Variants in UBE2E3 observed in about 807,000 individuals in gnomAD.
UBE2E3 encodes the protein ubiquitin conjugating enzyme E2 E3, also known as ubiquitin-conjugating enzyme E2 E3.
Under a neutral mutation model 23.6 loss-of-function variants are expected in UBE2E3, and 5 were observed. The ratio of observed to expected loss-of-function variants is 0.21; its 90% CI spans 0.11 to 0.44. UBE2E3 has a LOEUF of 0.44. Among genes scored for constraint, UBE2E3 ranks in the 20% least tolerant of loss-of-function variants. UBE2E3 has a pLI of 0.99. For synonymous variants in UBE2E3, 78 were observed against 87.5 expected (o/e 0.89, Z 0.60); for missense variants, 81 against 249.8 (o/e 0.32, Z 4.55).
intron 3 of UBE2E3, among the ~76,000 whole-genome samples, chr2:181,013,011 A>T (rs1327099420): frequency 6.6e-6 from 1 of 152,058 alleles, no homozygotes; most frequent in Non-Finnish European, 1.5e-5. Context: ...TTTATTTTTT[A>T]CATGGGAGTC....
intron 3 of UBE2E3, among the ~76,000 whole-genome samples, chr2:181,029,230 T>G (rs891126265): frequency 2.6e-5 from 4 of 152,134 alleles, no homozygotes; most frequent in African/African-American, 7.2e-5. Context: ...ATAATTCTAA[T>G]GAGTCTTGAT....
chr2:181,017,708 G>A (rs1031834623), intron 3 of UBE2E3, among the ~76,000 whole-genome samples: 1 of 148,736 alleles, frequency 6.7e-6, no homozygotes, highest in Non-Finnish European at 1.5e-5. Context: ...AGCATAAAAG[G>A]TTTTTTTGTT....
intron 3 of UBE2E3, among the ~76,000 whole-genome samples, chr2:180,996,739 A>G (rs1317445210): frequency 5.3e-5 from 8 of 152,344 alleles, no homozygotes; most frequent in African/African-American, 1.9e-4. Flanking sequence ...ATGCTGTAAG[A>G]AACCAATTTT....
intron 3 of UBE2E3, among the ~76,000 whole-genome samples, chr2:181,042,690 C>G (rs1163365772): frequency 6.6e-6 from 1 of 152,096 alleles, no homozygotes; most frequent in Non-Finnish European, 1.5e-5. Context: ...GACTAGGGAC[C>G]CATACTAAAT....
intron 3 of UBE2E3, among the ~76,000 whole-genome samples, chr2:181,006,618 C>T (rs1044247838): frequency 1.3e-5 from 2 of 151,990 alleles, no homozygotes; most frequent in African/African-American, 4.8e-5. Context: ...TGAGTAGTTT[C>T]TGTTTTTCTG....
intron 3 of UBE2E3, among the ~76,000 whole-genome samples, chr2:181,031,403 C>T (rs1409490889): frequency 6.6e-6 from 1 of 152,020 alleles, no homozygotes; most frequent in East Asian, 1.9e-4. Context: ...TATTACTATA[C>T]CTTGAGGCTA....
At chr2:181,002,034 A>G (rs1454263710) in intron 3 of UBE2E3, among the ~76,000 whole-genome samples, 3 of 152,172 alleles carry the variant, frequency 2.0e-5, no homozygotes, top group African/African-American at 7.2e-5. Context: ...GAATATCCCA[A>G]GCAGCAGACA....
intron 3 of UBE2E3, among the ~76,000 whole-genome samples, chr2:181,012,800 T>C (rs1685375129): frequency 6.6e-6 from 1 of 152,164 alleles, no homozygotes; most frequent in Admixed American, 6.6e-5. Context: ...GACTAAAGTT[T>C]TATTATCTAA....
chr2:180,998,808 A>G (rs899103552), intron 3 of UBE2E3, among the ~76,000 whole-genome samples: 1 of 152,198 alleles, frequency 6.6e-6, no homozygotes, highest in Non-Finnish European at 1.5e-5. Context: ...TTATCCAAAA[A>G]GGAGTAAAAC....
chr2:181,001,358 T>A (rs992323974), intron 3 of UBE2E3, among the ~76,000 whole-genome samples: 21 of 152,228 alleles, frequency 1.4e-4, no homozygotes, highest in African/African-American at 4.3e-4. Context: ...AAAGTAGAAT[T>A]TTCGAGCTTC....
At chr2:181,028,595 A>G (rs1044420353) in intron 3 of UBE2E3, among the ~76,000 whole-genome samples, 2 of 152,068 alleles carry the variant, frequency 1.3e-5, no homozygotes, top group Non-Finnish European at 2.9e-5. Flanking sequence ...TTCCTAATCT[A>G]TGGGTATAAA....
At chr2:181,022,746 A>T (rs969407188) in intron 3 of UBE2E3, among the ~76,000 whole-genome samples, 1 of 152,140 alleles carries the variant, frequency 6.6e-6, no homozygotes, top group African/African-American at 2.4e-5. Flanking sequence ...AAACAAAAAA[A>T]AAACCCCACA....
intron 3 of UBE2E3, among the ~76,000 whole-genome samples, chr2:181,052,762 T>G (rs1686880569): frequency 6.6e-6 from 1 of 151,752 alleles, no homozygotes; most frequent in Non-Finnish European, 1.5e-5. Context: ...TGCTGAAAGG[T>G]CTACCCACTC....
intron 3 of UBE2E3, among the ~76,000 whole-genome samples, chr2:181,053,195 G>T (rs1574222885): frequency 6.6e-6 from 1 of 151,822 alleles, no homozygotes; most frequent in African/African-American, 2.4e-5. Context: ...AACTTTGAGA[G>T]CCAGAGTGGT....
chr2:180,989,373 G>T (rs576219292), intron 3 of UBE2E3, among the ~76,000 whole-genome samples: 2 of 152,182 alleles, frequency 1.3e-5, no homozygotes, highest in East Asian at 3.9e-4. Context: ...TAAATAAATT[G>T]AAGTCTCTCA....
chr2:180,987,528 A>G, intron 3 of UBE2E3: 1 of 1,065,930 alleles, frequency 9.4e-7, no homozygotes, highest in Admixed American at 2.9e-5. Context: ...GTATTAATAA[A>G]TAGTTTCTTG....
At chr2:181,033,335 T>G (rs370079391) in intron 3 of UBE2E3, among the ~76,000 whole-genome samples, 9 of 152,052 alleles carry the variant, frequency 5.9e-5, no homozygotes, top group African/African-American at 2.2e-4. Context: ...AACGGAGATA[T>G]AGACCAATGG....
At chr2:181,029,590 A>G (rs1192207227) in intron 3 of UBE2E3, among the ~76,000 whole-genome samples, 2 of 149,966 alleles carry the variant, frequency 1.3e-5, no homozygotes, top group African/African-American at 4.9e-5. Flanking sequence ...GCAACCTTGT[A>G]TAAATGTTCT....
At chr2:180,982,311 A>G in intron 2 of UBE2E3, 75 bp downstream of exon 2, 1 of 1,327,506 alleles carries the variant, frequency 7.5e-7, no homozygotes, top group East Asian at 2.3e-5. Flanking sequence ...TGTTGGTTTT[A>G]CCTCAATAGC....
Sources: allele counts gnomAD v4.1 joint callset (sites outside exome capture counted in the v4.1 genomes callset), GRCh38; gene constraint gnomAD v4.1.1; transcripts MANE v1.5; gene names NCBI Gene and HGNC (gene_info 2026-07-23, HGNC 2026-07-21).